PTPRQ: variants seen among roughly 807,000 people sequenced by gnomAD.
The protein encoded by PTPRQ is phosphatidylinositol phosphatase PTPRQ.
A neutral mutation model predicts 246.0 loss-of-function variants in PTPRQ; 199 were observed. That is an observed-to-expected ratio of 0.81 (90% CI 0.72 to 0.91). PTPRQ has a LOEUF of 0.91. PTPRQ is among the 40% of genes least tolerant of loss of function. The probability of loss-of-function intolerance (pLI) is 0.00; values close to 1 mark genes in which losing one functional copy is unlikely to be tolerated. For missense variants in PTPRQ, 2,624 were observed against 2,528.4 expected (o/e 1.04, Z -0.81); for synonymous variants, 869 against 853.2 (o/e 1.02, Z -0.32).
At chr12:80,517,313 G>T (rs974853867) in intron 17 of PTPRQ, among the ~76,000 whole-genome samples, 8 of 151,886 alleles carry the variant, frequency 5.3e-5, no homozygotes, top group African/African-American at 9.7e-5. Flanking sequence ...TGAAGCATTT[G>T]CTTAGTTGTT....
At chr12:80,651,016 C>T (rs1316260060) in intron 37 of PTPRQ, among the ~76,000 whole-genome samples, 1 of 152,000 alleles carries the variant, frequency 6.6e-6, no homozygotes, top group East Asian at 1.9e-4. Context: ...CATATTCACT[C>T]ATATCTTAAA....
intron 35 of PTPRQ, among the ~76,000 whole-genome samples, chr12:80,636,394 T>TACTA (rs774905641): frequency 1.3e-4 from 20 of 152,260 alleles, no homozygotes; most frequent in Non-Finnish European, 2.8e-4. Context: ...GCACTGCTAC[T>TACTA]ACTAGACTGT....
intron 3 of PTPRQ, among the ~76,000 whole-genome samples, chr12:80,446,536 A>G (rs1043856259): frequency 6.6e-6 from 1 of 151,852 alleles, no homozygotes. Context: ...CCCATCACCC[A>G]AATAGTAAAC....
chr12:80,634,740 T>C lies in PTPRQ; in HGVS notation c.5787-205T>C, dbSNP rs192485897. The stretch of plus-strand genomic sequence containing the variant: ...TTAGAACTTCATCCCAATAACTTAT[T>C]AGAAAAAAAAGAAAGTAGAATAGGT... On this transcript the variant is annotated intron_variant, in intron 34 of 44. Transcript: ENST00000644991. 77 of 642,962 alleles carry C rather than the reference T, an allele frequency of 1.2e-4. No homozygotes were observed. The East Asian group carries it at 1.7e-3, about 15-fold the overall frequency. 39.8% of individuals were successfully genotyped at this position (642,962 alleles called of 1,614,324 possible).
intron 8 of PTPRQ, among the ~76,000 whole-genome samples, chr12:80,474,744 G>T (rs1275830509): frequency 1.3e-5 from 2 of 152,020 alleles, no homozygotes; most frequent in Non-Finnish European, 2.9e-5. Context: ...ATTGTGTGAG[G>T]GGTAAAAAAA....
intron 27 of PTPRQ, among the ~76,000 whole-genome samples, chr12:80,606,006 A>G (rs148105139): frequency 6.6e-6 from 1 of 151,270 alleles, no homozygotes; most frequent in African/African-American, 2.4e-5. Context: ...ACGAATGAAA[A>G]ATAATCTAAA....
chr12:80,607,455 CT>C (rs1898368148), intron 27 of PTPRQ, among the ~76,000 whole-genome samples: 1 of 149,768 alleles, frequency 6.7e-6, no homozygotes, highest in Admixed American at 6.7e-5. Context: ...TCCTTCCTTC[CT>C]TCCTTCCTCC....
At position 80,481,214 on chromosome 12, in the gene PTPRQ, T is replaced by C. The variant is rs1408051416; in HGVS notation, c.1187-3219T>C. 2.0e-5 allele frequency among the ~76,000 whole-genome samples: 3 copies of C among 152,146 alleles called. No individual in the cohort carries two copies. In the East Asian group the frequency reaches 5.8e-4, roughly 29 times the overall value. Reference sequence around the variant, plus strand: ...CTTCATCCCTGGGATGCAAGGCTGGTTCAATATATTAAAATCAATAAACAT... The same window carrying C: ...CTTCATCCCTGGGATGCAAGGCTGGCTCAATATATTAAAATCAATAAACAT... On this transcript the variant is annotated intron_variant, in intron 8 of 44. Coordinates refer to ENST00000644991, the MANE Select transcript of PTPRQ (RefSeq NM_001145026.2).
chr12:80,543,241 C>A (rs575343242), intron 23 of PTPRQ, among the ~76,000 whole-genome samples: 2 of 152,138 alleles, frequency 1.3e-5, no homozygotes, highest in South Asian at 4.2e-4. Flanking sequence ...ATCTTTTTAA[C>A]CTTTTAGAAA....
intron 43 of PTPRQ, among the ~76,000 whole-genome samples, chr12:80,674,593 T>C (rs1901075650): frequency 6.6e-6 from 1 of 152,172 alleles, no homozygotes; most frequent in African/African-American, 2.4e-5. Flanking sequence ...CTAATACAGA[T>C]ATATTTATCT....
chr12:80,669,973 A>G (rs1179984392), intron 41 of PTPRQ, among the ~76,000 whole-genome samples: 2 of 152,060 alleles, frequency 1.3e-5, no homozygotes, highest in Non-Finnish European at 2.9e-5. Flanking sequence ...GGATCTTTAT[A>G]CTTTTCACAT....
chr12:80,666,643 C>T (rs1224756966), intron 39 of PTPRQ, among the ~76,000 whole-genome samples: 1 of 151,902 alleles, frequency 6.6e-6, no homozygotes, highest in Non-Finnish European at 1.5e-5. Context: ...ACATTGCATA[C>T]ATGTATGAAA....
At chr12:80,477,772 G>A (rs573635399) in intron 8 of PTPRQ, among the ~76,000 whole-genome samples, 11 of 152,240 alleles carry the variant, frequency 7.2e-5, no homozygotes, top group African/African-American at 2.4e-4. Flanking sequence ...GGTGATGGAC[G>A]GCACCTGGAA....
chr12:80,460,480 A>C (rs1232242502), intron 5 of PTPRQ, among the ~76,000 whole-genome samples, 173 bp from the exon 6 acceptor site: 1 of 152,238 alleles, frequency 6.6e-6, no homozygotes, highest in Non-Finnish European at 1.5e-5. Context: ...TCCTCTTCTA[A>C]AACTGCAGAC....
chr12:80,678,515 G>T, intron 43 of PTPRQ, 87 bp from the exon 44 acceptor site: 1 of 1,386,712 alleles, frequency 7.2e-7, no homozygotes, highest in Non-Finnish European at 9.4e-7. Flanking sequence ...GATGAATTCA[G>T]TACTGCTTTT....
At chr12:80,471,567 T>C (rs1893634021) in intron 7 of PTPRQ, among the ~76,000 whole-genome samples, 1 of 48,392 alleles carries the variant, frequency 2.1e-5, no homozygotes, top group Non-Finnish European at 3.9e-5. Context: ...AAGCTCCGCC[T>C]CCCGGGTTCA....
intron 18 of PTPRQ, among the ~76,000 whole-genome samples, 169 bp from the exon 19 acceptor site, chr12:80,534,723 G>T (rs1038692954): frequency 1.3e-5 from 2 of 151,766 alleles, no homozygotes; most frequent in Non-Finnish European, 2.9e-5. Context: ...AGTATTAGAG[G>T]GGTGACCCAA....
At chr12:80,472,730 C>G (rs1181958116) in intron 8 of PTPRQ, among the ~76,000 whole-genome samples, 1 of 152,140 alleles carries the variant, frequency 6.6e-6, no homozygotes, top group Non-Finnish European at 1.5e-5. Context: ...CCAGCATTTA[C>G]TGAAATTATG....
chr12:80,520,318 A>AT (rs1463034148), intron 17 of PTPRQ, among the ~76,000 whole-genome samples: 69 of 151,982 alleles, frequency 4.5e-4, no homozygotes, highest in African/African-American at 1.5e-3. Context: ...TGGCTTTTTT[A>AT]TTTTTTGTAT....
Sources: gnomAD v4.1 joint callset for allele counts (sites outside exome capture counted in the v4.1 genomes callset) on GRCh38, gnomAD v4.1.1 for gene constraint, MANE v1.5 for transcripts, NCBI Gene and HGNC (gene_info 2026-07-23, HGNC 2026-07-21) for gene names.